Variants in ZNF19 observed in about 807,000 individuals in gnomAD.
The protein encoded by ZNF19 is zinc finger protein 19, also known as zinc finger protein 19 (KOX 12).
Under a neutral mutation model 13.1 loss-of-function variants are expected in ZNF19, and 11 were observed. That is an observed-to-expected ratio of 0.84 (90% CI 0.53 to 1.39). ZNF19 has a LOEUF of 1.39. ZNF19 is among the 40% of genes most tolerant of loss of function. The pLI, the probability that ZNF19 is intolerant of heterozygous loss-of-function variation, is 0.00. For missense variants in ZNF19, 560 were observed against 547.0 expected (o/e 1.02, Z -0.24); for synonymous variants, 186 against 187.0 (o/e 0.99, Z 0.04).
rs1179719909 is a variant in ZNF19, at chr16:71,478,104, T to G, written c.274+124A>C. ...TAAGAGTTAAGATTGGTGAGAAACG[T>G]TTCATATTTTACCTATTAGGTGAAA... is the stretch of plus-strand genomic sequence containing the variant. On this transcript the variant is annotated intron_variant, in intron 5 of 5. Coordinates refer to ENST00000288177, the MANE Select transcript of ZNF19 (RefSeq NM_006961.4). 4.5e-6 allele frequency: 3 copies of G among 661,724 alleles called. No individual in the cohort carries two copies. The East Asian group carries it at 8.2e-5, about 18-fold the overall frequency. The allele number at this position is 661,724 out of a possible 1,614,324, so 41.0% of individuals were successfully genotyped here. A position where few individuals can be genotyped will look rare whatever the true frequency, so the allele number is the denominator to read the frequency against.
chr16:71,478,323 G>T lies in ZNF19; in HGVS notation c.179C>A (p.Pro60His). The change falls in exon 5 of 6, where the codon CCT becomes CAT. Residue 60 changes from proline (P) to histidine (H), a missense_variant. Physicochemically the swap from Pro to His is moderately conservative, Grantham distance 77. Coordinates refer to ENST00000288177, the MANE Select transcript of ZNF19 (RefSeq NM_006961.4). ...LTALGYPVPK[P>H]ALISLLERGD... ...TCTCTCCAAAAGTGAGATCAGTGCA[G>T]GTTTGGGAACTGGGTACCCTGAAAA... 6.2e-7 allele frequency: 1 copy of T among 1,613,774 alleles called. No homozygotes were observed. Among genetic ancestry groups the T allele is most frequent in the Non-Finnish European group, 8.5e-7 (1 of 1,179,804 alleles).
rs1300160063 is a variant in ZNF19, at chr16:71,476,231, C to T, written c.316G>A (p.Gly106Arg). 6.2e-7 allele frequency: 1 copy of T among 1,613,780 alleles called. No individual in the cohort carries two copies. Among genetic ancestry groups the T allele is most frequent in the African/African-American group, 1.3e-5 (1 of 74,894 alleles). Residue 106 changes from glycine (G) to arginine (R), a missense_variant, in exon 6 of 6, where the codon GGA becomes AGA. Physicochemically the swap from Gly to Arg is moderately radical, Grantham distance 125. Transcript: ENST00000288177. ...NIDSESTLIQ[G>R]ISEERDGMMS... ...ATCCCATCTCTTTCTTCAGAAATTC[C>T]CTGGATTAATGTGGACTCACTGTCA...
chr16:71,474,782 T>G lies in ZNF19; in HGVS notation c.*388A>C. The G allele has an allele frequency of 6.0e-6, 1 of 167,538 alleles. No individual in the cohort carries two copies. The highest frequency in any genetic ancestry group is 1.3e-5 in the Non-Finnish European group (1 of 78,210). 10.4% of individuals were successfully genotyped at this position (167,538 alleles called of 1,614,324 possible). ...CAAAACCAACCAAACAAAAATGGAA[T>G]TTATTGGCTGCTGCAATTCAAAAAC... On this transcript the variant is annotated 3_prime_UTR_variant, in exon 6 of 6. Transcript: ENST00000288177.
At chr16:71,480,044 C>T (rs963759246) in intron 3 of ZNF19, among the ~76,000 whole-genome samples, 7 of 152,216 alleles carry the variant, frequency 4.6e-5, no homozygotes, top group Middle Eastern at 3.4e-3. Flanking sequence ...CCGTCTGCCT[C>T]GGCCTCCCAA....
chr16:71,478,482 G>A (rs2043616311), intron 4 of ZNF19, 141 bp from the exon 5 acceptor site: 1 of 728,762 alleles, frequency 1.4e-6, no homozygotes, highest in African/African-American at 1.7e-5. Context: ...CCGATCAACA[G>A]GAAACTGAGC....
intron 5 of ZNF19, chr16:71,477,800 AC>A (rs2043612060): frequency 6.2e-6 from 1 of 161,632 alleles, no homozygotes; most frequent in Admixed American, 6.1e-5. Flanking sequence ...TTTATGGCCA[AC>A]TTTTGGGAAG....
Position 71,476,000 on chromosome 16 carries a change from G to T in ZNF19, c.547C>A (p.His183Asn), listed in dbSNP as rs763390532. Residue 183 changes from histidine to asparagine, a missense_variant, in exon 6 of 6, where the codon CAC (histidine) becomes AAC (asparagine). His to Asn is a moderately conservative substitution (Grantham distance 68). Transcript: ENST00000288177. ...FSYYARHQRIHTGEKPFECSE... is the reference protein window; with the variant it reads ...FSYYARHQRINTGEKPFECSE... ...CACTCAAAAGGTTTCTCCCCAGTGT[G>T]GATTCTCTGGTGTCTAGCATAGTAA... The T allele has an allele frequency of 6.2e-7, 1 of 1,614,076 alleles. No individual in the cohort carries two copies.
Position 71,475,210 on chromosome 16 carries a change from C to T in ZNF19, c.1337G>A (p.Arg446His), listed in dbSNP as rs752489954. The T allele has an allele frequency of 2.0e-5, 33 of 1,612,632 alleles. No individual in the cohort carries two copies. Among genetic ancestry groups the T allele is most frequent in the Non-Finnish European group, 2.6e-5 (31 of 1,179,396 alleles). The change falls in exon 6 of 6, where the codon CGT (arginine) becomes CAT (histidine). Residue 446 changes from arginine (R) to histidine (H), a missense_variant. Coordinates refer to ENST00000288177, the MANE Select transcript of ZNF19 (RefSeq NM_006961.4). Reference sequence around the variant, plus strand: ...GGTAAAAAATTCTGGGAGGCCAAAACGACAAATGTCCAGCACAGGCTTCTC... The same window carrying T: ...GGTAAAAAATTCTGGGAGGCCAAAATGACAAATGTCCAGCACAGGCTTCTC... The part of the protein sequence containing the change: ...SGEKPVLDIC[R>H]FGLPEFFTPF...
At chr16:71,479,265 A>C (rs2043622247) in intron 3 of ZNF19, among the ~76,000 whole-genome samples, 1 of 152,230 alleles carries the variant, frequency 6.6e-6, no homozygotes, top group Admixed American at 6.5e-5. Flanking sequence ...TTTAAACCCT[A>C]GGAAAAAAAG....
At chr16:71,489,188 C>G (rs1236474201) in intron 1 of ZNF19, 84 bp downstream of exon 1, 5 of 923,622 alleles carry the variant, frequency 5.4e-6, no homozygotes, top group Non-Finnish European at 6.5e-6. Flanking sequence ...CTTTGAGCTG[C>G]GCTCAAAGGA....
intron 4 of ZNF19, 196 bp downstream of exon 4, chr16:71,478,683 G>A: frequency 1.4e-6 from 1 of 731,390 alleles, no homozygotes; most frequent in Non-Finnish European, 2.3e-6. Flanking sequence ...TTCATTGGGA[G>A]ACCAAAGTGA....
In ZNF19 at chr16:71,475,542, T is replaced by C. The variant is rs1181331351; in HGVS notation, c.1005A>G (p.Gly335=). 2.5e-6 allele frequency: 4 copies of C among 1,614,046 alleles called. No individual in the cohort carries two copies. The Middle Eastern group carries it at 4.9e-4, about 199-fold the overall frequency. The change falls in exon 6 of 6, where the codon GGA becomes GGG. Residue 335 remains glycine (G), a synonymous_variant. Coordinates refer to ENST00000288177, the MANE Select transcript of ZNF19 (RefSeq NM_006961.4). The stretch of plus-strand genomic sequence containing the variant: ...GTTTTGTATGAAAATTGAAGGCTTG[T>C]CCACATACTTTACAAGAATAAGGCT... ...GEKPYSCKVC[G]QAFNFHTKLT...
In ZNF19 at chr16:71,478,974, T is replaced by C. The variant is rs765443264; in HGVS notation, c.65A>G (p.His22Arg). The stretch of plus-strand genomic sequence containing the variant: ...GCCAGTCCATTCTGTCTTGGTGAAG[T>C]GCACAGCCACATCCTCGAAGGTCAC... ...EMVTFEDVAV[H>R]FTKTEWTGLS... The change falls in exon 4 of 6, where the codon CAC (histidine) becomes CGC (arginine). Residue 22 changes from histidine to arginine, a missense_variant. Physicochemically the swap from His to Arg is conservative, Grantham distance 29. Transcript: ENST00000288177. 1.2e-6 allele frequency: 2 copies of C among 1,614,166 alleles called. No individual in the cohort carries two copies. The highest frequency in any genetic ancestry group is 1.1e-5 in the South Asian group (1 of 91,078).
Position 71,478,986 on chromosome 16 carries a change from T to A in ZNF19, c.53A>T (p.Asp18Val), listed in dbSNP as rs1439700732. 6.2e-7 allele frequency: 1 copy of A among 1,614,162 alleles called. No homozygotes were observed. The highest frequency in any genetic ancestry group is 1.7e-5 in the Admixed American group (1 of 60,032). ...AQYQEMVTFEDVAVHFTKTEW... is the reference protein window; with the variant it reads ...AQYQEMVTFEVVAVHFTKTEW... ...TGTCTTGGTGAAGTGCACAGCCACA[T>A]CCTCGAAGGTCACCATCTCCTAAAA... The change falls in exon 4 of 6, where the codon GAT becomes GTT. Residue 18 changes from aspartate (D) to valine (V), a missense_variant. By Grantham distance (152) the Asp-to-Val change is radical (BLOSUM62 -3). Transcript: ENST00000288177.
intron 3 of ZNF19, among the ~76,000 whole-genome samples, chr16:71,479,523 C>T (rs1054609406): frequency 6.6e-6 from 1 of 152,128 alleles, no homozygotes; most frequent in Non-Finnish European, 1.5e-5. Context: ...CTATCTCATC[C>T]GACTCCCATT....
chr16:71,478,094 G>A, intron 5 of ZNF19, 134 bp downstream of exon 5: 1 of 636,466 alleles, frequency 1.6e-6, no homozygotes. Context: ...GTTAAGATTG[G>A]TGAGAAACGT....
intron 1 of ZNF19, among the ~76,000 whole-genome samples, chr16:71,486,155 C>A (rs73583011): frequency 0.067 from 9,200 of 137,204 alleles, 913 homozygotes; most frequent in African/African-American, 0.23. Flanking sequence ...CCAGCCTGGG[C>A]AACATGACAA....
intron 3 of ZNF19, among the ~76,000 whole-genome samples, chr16:71,479,761 T>TC (rs2043626195): frequency 2.6e-5 from 4 of 152,112 alleles, no homozygotes; most frequent in African/African-American, 9.7e-5. Context: ...CTTGGGTTTT[T>TC]TTTTCTTTCT....
intron 1 of ZNF19, among the ~76,000 whole-genome samples, chr16:71,488,013 C>A (rs184249818): frequency 1.3e-5 from 2 of 152,268 alleles, no homozygotes; most frequent in Non-Finnish European, 1.5e-5. Context: ...CTTACCACTA[C>A]TATTTAACAT....
Sources: gnomAD v4.1 joint callset for allele counts (sites outside exome capture counted in the v4.1 genomes callset) on GRCh38, gnomAD v4.1.1 for gene constraint, MANE v1.5 for transcripts, NCBI Gene and HGNC (gene_info 2026-07-23, HGNC 2026-07-21) for gene names.